The following ANKH variants were observed in gnomAD, a reference collection of about 807,000 sequenced individuals.
ANKH encodes ANKH inorganic pyrophosphate transport regulator, also known as mineralization regulator ANKH.
A neutral mutation model predicts 49.0 loss-of-function variants in ANKH; 15 were observed. The observed-to-expected ratio is 0.31, with a 90% CI of 0.20 to 0.47. ANKH has a LOEUF of 0.47. Ranked by LOEUF, ANKH falls within the 20% of genes least tolerant of loss-of-function variation. ANKH has a pLI of 1.00. For missense variants in ANKH, 429 were observed against 652.0 expected (o/e 0.66, Z 3.72); for synonymous variants, 273 against 260.0 (o/e 1.05, Z -0.48).
intron 1 of ANKH, among the ~76,000 whole-genome samples, chr5:14,778,739 A>C (rs1739713713): frequency 6.6e-6 from 1 of 152,194 alleles, no homozygotes; most frequent in Non-Finnish European, 1.5e-5. Context: ...CACTCTTGCC[A>C]AAACCTGCAA....
At chr5:14,792,362 C>G (rs538895641) in intron 1 of ANKH, among the ~76,000 whole-genome samples, 2 of 152,300 alleles carry the variant, frequency 1.3e-5, no homozygotes, top group African/African-American at 4.8e-5. Context: ...GAAACCAACT[C>G]TTGCCAGAGT....
intron 1 of ANKH, among the ~76,000 whole-genome samples, chr5:14,787,589 A>G (rs1206436256): frequency 6.6e-6 from 1 of 152,214 alleles, no homozygotes; most frequent in East Asian, 1.9e-4. Context: ...GATAAAGAGC[A>G]GAGCAGATGC....
chr5:14,764,429 C>T (rs1739193757), intron 2 of ANKH, among the ~76,000 whole-genome samples: 1 of 152,146 alleles, frequency 6.6e-6, no homozygotes, highest in Non-Finnish European at 1.5e-5. Context: ...TTCAGCTGTC[C>T]CAACAGAGGC....
At chr5:14,788,557 C>G (rs556584211) in intron 1 of ANKH, among the ~76,000 whole-genome samples, 4 of 152,182 alleles carry the variant, frequency 2.6e-5, no homozygotes, top group Non-Finnish European at 4.4e-5. Flanking sequence ...TTATATCCCC[C>G]AAAGCCTTAG....
At chr5:14,847,327 G>A (rs1741992995) in intron 1 of ANKH, among the ~76,000 whole-genome samples, 1 of 152,184 alleles carries the variant, frequency 6.6e-6, no homozygotes, top group South Asian at 2.1e-4. Flanking sequence ...AGTCTCCTTT[G>A]CTGTGGAGGC....
At chr5:14,720,108 TA>T (rs543047351) in intron 8 of ANKH, among the ~76,000 whole-genome samples, 1,639 of 149,796 alleles carry the variant, frequency 0.011, 20 homozygotes, top group African/African-American at 0.033. Flanking sequence ...GTTGAAATAT[TA>T]AAAAAAAAAT....
At chr5:14,812,403 G>T (rs1031333928) in intron 1 of ANKH, among the ~76,000 whole-genome samples, 1 of 152,068 alleles carries the variant, frequency 6.6e-6, no homozygotes. Flanking sequence ...ACAGTCTCTC[G>T]TGAGGCTTCC....
intron 1 of ANKH, among the ~76,000 whole-genome samples, chr5:14,866,510 T>C (rs907251976): frequency 6.6e-6 from 1 of 152,206 alleles, no homozygotes; most frequent in Non-Finnish European, 1.5e-5. Flanking sequence ...TTTAAGGAAA[T>C]TGGGGACTCT....
intron 11 of ANKH, among the ~76,000 whole-genome samples, chr5:14,712,529 T>C (rs980539267): frequency 2.0e-4 from 30 of 152,140 alleles, no homozygotes; most frequent in Non-Finnish European, 1.8e-4. Flanking sequence ...CTGTCCCCTC[T>C]CCCATCGGCA....
intron 1 of ANKH, among the ~76,000 whole-genome samples, chr5:14,835,928 T>C (rs1047765410): frequency 6.6e-6 from 1 of 152,324 alleles, no homozygotes; most frequent in Admixed American, 6.5e-5. Flanking sequence ...CACGATCAAG[T>C]TGGCTTCATC....
Position 14,751,112 on chromosome 5 carries a change from T to C in ANKH, c.644A>G (p.Asn215Ser), listed in dbSNP as rs368899927. Residue 215 changes from asparagine (N) to serine (S), a missense_variant, in exon 5 of 12, where the codon AAC becomes AGC. This residue lies in a region of ANKH where 378 missense variants were observed against 615.3 expected (regional missense o/e 0.61). Coordinates refer to ENST00000284268, the MANE Select transcript of ANKH (RefSeq NM_054027.6). ...TCTGTCAGGGATGATGTCGTGAATG[T>C]TCTTGTAGTAGCCCAGGCACAGGGT... ...CTTLCLGYYKNIHDIIPDRSG... is the reference protein window; with the variant it reads ...CTTLCLGYYKSIHDIIPDRSG... 6.2e-7 allele frequency: 1 copy of C among 1,614,248 alleles called. No homozygotes were observed. The highest frequency in any genetic ancestry group is 8.5e-7 in the Non-Finnish European group (1 of 1,180,042).
At chr5:14,724,348 A>G (rs1372257557) in intron 8 of ANKH, among the ~76,000 whole-genome samples, 2 of 152,140 alleles carry the variant, frequency 1.3e-5, no homozygotes, top group Non-Finnish European at 2.9e-5. Flanking sequence ...ATCACATAAA[A>G]AACCCCAAAA....
In ANKH at chr5:14,745,476, C is replaced by T. The variant is rs774850357; in HGVS notation, c.915+394G>A. On this transcript the variant is annotated intron_variant, in intron 7 of 11. Coordinates refer to ENST00000284268, the MANE Select transcript of ANKH (RefSeq NM_054027.6). The surrounding 1 kb of genome is among the most constrained non-coding windows in gnomAD (Gnocchi z 4.7). ...GCCAGCCCACAGAAAGACAGCCACG[C>T]ACGGCTTCCTGCCTACACCTTAGCC... Among the ~76,000 whole-genome samples the T allele has an allele frequency of 2.0e-5, 3 of 152,086 alleles. No homozygotes were observed. Among genetic ancestry groups the T allele is most frequent in the Admixed American group, 2.0e-4 (3 of 15,260 alleles).
intron 1 of ANKH, among the ~76,000 whole-genome samples, chr5:14,857,522 G>C (rs1019487486): frequency 6.6e-6 from 1 of 152,102 alleles, no homozygotes; most frequent in Non-Finnish European, 1.5e-5. Flanking sequence ...GCCAGGAGTG[G>C]TGGTGGGTGC....
chr5:14,706,037 A>G lies in ANKH; in HGVS notation c.*5160T>C, dbSNP rs916625056. The G allele has an allele frequency of 6.6e-6, 1 of 152,188 alleles. No homozygotes were observed. Among genetic ancestry groups the G allele is most frequent in the African/African-American group, 2.4e-5 (1 of 41,438 alleles). 9.4% of individuals were successfully genotyped at this position (152,188 alleles called of 1,614,324 possible). ...AGGTTGTACAGTGAGTGGTACAACC[A>G]TTTTTAGCTGGTCTGTCCCCTTCTT... On this transcript the variant is annotated 3_prime_UTR_variant, in exon 12 of 12. Coordinates refer to ENST00000284268, the MANE Select transcript of ANKH (RefSeq NM_054027.6).
intron 8 of ANKH, among the ~76,000 whole-genome samples, chr5:14,736,768 C>T (rs554771358): frequency 3.9e-4 from 60 of 152,260 alleles, no homozygotes; most frequent in African/African-American, 1.3e-3. Context: ...TCGTGTAGTT[C>T]GTGCACTGCA....
At chr5:14,811,969 T>A (rs1740895944) in intron 1 of ANKH, among the ~76,000 whole-genome samples, 1 of 152,200 alleles carries the variant, frequency 6.6e-6, no homozygotes, top group Admixed American at 6.5e-5. Context: ...TTTAGAAGTC[T>A]GAATGTAGAA....
intron 2 of ANKH, among the ~76,000 whole-genome samples, chr5:14,761,571 CA>C (rs879381487): frequency 1.3e-4 from 20 of 151,412 alleles, no homozygotes; most frequent in Middle Eastern, 6.8e-3. Context: ...TGTGTGACAG[CA>C]GTCACATCTC....
chr5:14,782,953 G>A (rs1476648621), intron 1 of ANKH, among the ~76,000 whole-genome samples: 1 of 152,168 alleles, frequency 6.6e-6, no homozygotes, highest in African/African-American at 2.4e-5. Flanking sequence ...GTACATGGCA[G>A]AGTGTATTAT....
Sources: allele counts gnomAD v4.1 joint callset (sites outside exome capture counted in the v4.1 genomes callset), GRCh38; gene constraint gnomAD v4.1.1; regional missense constraint gnomAD v4.1.1; non-coding constraint Gnocchi (gnomAD v3.1); transcripts MANE v1.5; gene names NCBI Gene and HGNC (gene_info 2026-07-23, HGNC 2026-07-21).